RNF17: variants seen among roughly 807,000 people sequenced by gnomAD.
The protein encoded by RNF17 is ring finger protein 17, also known as spermatogenesis associated 23.
RNF17 carries 31 observed loss-of-function variants against 200.5 expected under a neutral mutation model. The observed-to-expected ratio is 0.15, with a 90% confidence interval of 0.12 to 0.21. The LOEUF is 0.21. Ranked by LOEUF, RNF17 falls within the 10% of genes least tolerant of loss-of-function variation. RNF17 has a pLI of 1.00. For missense variants in RNF17, 1,628 were observed against 1,905.1 expected (o/e 0.85, Z 2.71); for synonymous variants, 606 against 637.8 (o/e 0.95, Z 0.75).
At chr13:24,858,959 G>A in intron 25 of RNF17, 42 bp from the exon 26 acceptor site, 1 of 1,257,774 alleles carries the variant, frequency 8.0e-7, no homozygotes. Context: ...AAATGATAGG[G>A]AATTTTCCTT....
intron 31 of RNF17, among the ~76,000 whole-genome samples, chr13:24,868,932 C>A (rs1227573345): frequency 6.6e-6 from 1 of 152,158 alleles, no homozygotes; most frequent in African/African-American, 2.4e-5. Context: ...TGGTGTTGTG[C>A]TGCTTTATTC....
chr13:24,780,421 G>A (rs183944832), intron 5 of RNF17, among the ~76,000 whole-genome samples: 1 of 152,138 alleles, frequency 6.6e-6, no homozygotes, highest in Non-Finnish European at 1.5e-5. Context: ...TTAACTGGAG[G>A]TTAGGACTTC....
intron 21 of RNF17, 70 bp from the exon 22 acceptor site, chr13:24,844,891 T>G (rs1891075153): frequency 1.3e-6 from 2 of 1,558,276 alleles, no homozygotes; most frequent in Non-Finnish European, 1.8e-6. Context: ...TTTCATTGAG[T>G]TTTTCAGTTT....
chr13:24,876,924 CTA>C lies in RNF17; in HGVS notation c.4584-71_4584-70del, dbSNP rs1305403208. On this transcript the variant is annotated intron_variant, in intron 33 of 35. Coordinates refer to ENST00000255324, the MANE Select transcript of RNF17 (RefSeq NM_031277.3). The stretch of plus-strand genomic sequence containing the variant: ...AATCCAATGTTATGAAGCGTTTCCC[CTA>C]TGTTTTCTTCTAAGAATTGGATAGT... 12 of 1,240,696 alleles carry C rather than the reference CTA, an allele frequency of 9.7e-6. 1 individual carries two copies. The highest frequency in any genetic ancestry group is 2.6e-5 in the Admixed American group (1 of 39,158). The allele number at this position is 1,240,696 out of a possible 1,614,324, so 76.9% of individuals were successfully genotyped here.
the RNF17 span, chr13:24,885,312 T>G: frequency 6.2e-7 from 1 of 1,613,742 alleles, no homozygotes; most frequent in South Asian, 1.1e-5. Flanking sequence ...CCTGTATGTC[T>G]TGGTCTTCCT....
intron 18 of RNF17, among the ~76,000 whole-genome samples, chr13:24,835,862 A>G (rs1428537290): frequency 6.6e-6 from 1 of 152,262 alleles, no homozygotes; most frequent in Non-Finnish European, 1.5e-5. Context: ...AAGATTAGTT[A>G]TTAAGCTAAT....
the RNF17 span, among the ~76,000 whole-genome samples, chr13:24,754,739 A>C: frequency 6.6e-6 from 1 of 151,958 alleles, no homozygotes. Context: ...AAATAAAATA[A>C]AATAAAATTA....
intron 15 of RNF17, among the ~76,000 whole-genome samples, chr13:24,805,268 AT>A (rs1282553405): frequency 1.2e-4 from 18 of 152,324 alleles, no homozygotes; most frequent in African/African-American, 3.8e-4. Context: ...ATTCAGTGCC[AT>A]TAAGGCCATT....
At chr13:24,803,009 A>C (rs1885436120) in intron 14 of RNF17, among the ~76,000 whole-genome samples, 1 of 149,288 alleles carries the variant, frequency 6.7e-6, no homozygotes, top group Admixed American at 6.8e-5. Flanking sequence ...TGCTCTTGCC[A>C]CTGTACTCCA....
At chr13:24,827,718 C>CAAAAAAAAAA (rs1250308715) in intron 16 of RNF17, among the ~76,000 whole-genome samples, 1 of 54,630 alleles carries the variant, frequency 1.8e-5, no homozygotes, top group Non-Finnish European at 3.0e-5. Flanking sequence ...AAAAAAAAAA[C>CAAAAAAAAAA]AAAAAAAAAA....
chr13:24,765,452 A>G (rs73162021), intron 1 of RNF17, among the ~76,000 whole-genome samples: 530 of 152,370 alleles, frequency 3.5e-3, no homozygotes, highest in Non-Finnish European at 5.9e-3. Context: ...TTTCAAAGTT[A>G]AGGTCATTCG....
intron 15 of RNF17, among the ~76,000 whole-genome samples, chr13:24,814,568 G>C (rs1337620438): frequency 6.6e-6 from 1 of 152,096 alleles, no homozygotes; most frequent in Non-Finnish European, 1.5e-5. Flanking sequence ...TAAGGGCCCA[G>C]CTTCATTATT....
intron 5 of RNF17, among the ~76,000 whole-genome samples, chr13:24,779,984 A>G (rs1255676973): frequency 6.6e-6 from 1 of 152,166 alleles, no homozygotes; most frequent in South Asian, 2.1e-4. Context: ...TCTCCTTGCT[A>G]TGAGCTGAAT....
intron 2 of RNF17, among the ~76,000 whole-genome samples, chr13:24,772,934 C>T (rs1880997864): frequency 6.6e-6 from 1 of 152,062 alleles, no homozygotes; most frequent in Non-Finnish European, 1.5e-5. Flanking sequence ...TCTTAAAAGA[C>T]ATACAACCAG....
Position 24,781,886 on chromosome 13 carries a change from A to G in RNF17, c.553A>G (p.Arg185Gly), listed in dbSNP as rs1318995422. The change falls in exon 6 of 36, where the codon AGA becomes GGA. Residue 185 changes from arginine to glycine, a missense_variant. Transcript: ENST00000255324. Reference sequence around the variant, plus strand: ...GAAGCAAACGATAGAGGAAAGAGAAAGAGTTATAGAAGTTGTGGAGAAACA... The same window carrying G: ...GAAGCAAACGATAGAGGAAAGAGAAGGAGTTATAGAAGTTGTGGAGAAACA... ...MQKQTIEERE[R>G]VIEVVEKQFD... The G allele has an allele frequency of 6.2e-7, 1 of 1,613,006 alleles. No homozygotes were observed. The highest frequency in any genetic ancestry group is 8.5e-7 in the Non-Finnish European group (1 of 1,179,726).
chr13:24,764,215 G>A lies in RNF17; in HGVS notation c.12G>A (p.Glu4=), dbSNP rs975900415. 10 of 1,596,762 alleles carry A rather than the reference G, an allele frequency of 6.3e-6. No individual in the cohort carries two copies. In the Admixed American group the frequency reaches 8.4e-5, roughly 13 times the overall value. ...AGAAAGAGACAGCGATGGCGGCAGA[G>A]GCTTCGAAGACTGGGCCTTCTAGGT... MAA[E]ASKTGPSRSS... Residue 4 remains glutamate (E), a synonymous_variant, in exon 1 of 36, where the codon GAG becomes GAA. Coordinates refer to ENST00000255324, the MANE Select transcript of RNF17 (RefSeq NM_031277.3).
chr13:24,835,777 C>A (rs371391770), intron 18 of RNF17, among the ~76,000 whole-genome samples: 1 of 152,190 alleles, frequency 6.6e-6, no homozygotes, highest in Non-Finnish European at 1.5e-5. Flanking sequence ...CAATACCCCC[C>A]CAAAATCACA....
chr13:24,873,832 GTCTTA>G (rs1290333794), intron 32 of RNF17, among the ~76,000 whole-genome samples: 5 of 152,030 alleles, frequency 3.3e-5, no homozygotes, highest in South Asian at 4.1e-4. Flanking sequence ...TTCTGTGCTT[GTCTTA>G]TCTTAGTTAA....
chr13:24,795,860 T>A (rs1884501407), intron 10 of RNF17, among the ~76,000 whole-genome samples: 1 of 152,256 alleles, frequency 6.6e-6, no homozygotes, highest in Non-Finnish European at 1.5e-5. Context: ...TTTAGAATCT[T>A]AACTATCACA....
Sources: gnomAD v4.1 joint callset for allele counts (sites outside exome capture counted in the v4.1 genomes callset) on GRCh38, gnomAD v4.1.1 for gene constraint, MANE v1.5 for transcripts, NCBI Gene and HGNC (gene_info 2026-07-23, HGNC 2026-07-21) for gene names.